Variants in FAM107B observed in about 807,000 individuals in gnomAD.
FAM107B encodes protein FAM107B.
A neutral mutation model predicts 31.5 loss-of-function variants in FAM107B; 21 were observed. That is an observed-to-expected ratio of 0.67 (90% confidence interval 0.47 to 0.96). The LOEUF (loss-of-function observed/expected upper bound fraction) is 0.96. FAM107B is among the 40% of genes least tolerant of loss of function. FAM107B has a pLI of 0.00. For missense variants in FAM107B, 452 were observed against 377.1 expected (o/e 1.20, Z -1.64); for synonymous variants, 157 against 141.5 (o/e 1.11, Z -0.78).
chr10:14,762,574 GT>G (rs1833072154), intron 1 of FAM107B, among the ~76,000 whole-genome samples: 1 of 152,124 alleles, frequency 6.6e-6, no homozygotes. Flanking sequence ...GGCCAACATG[GT>G]GAAACCCTGT....
intron 2 of FAM107B, among the ~76,000 whole-genome samples, chr10:14,624,462 C>G (rs1322114102): frequency 6.6e-6 from 1 of 152,026 alleles, no homozygotes; most frequent in African/African-American, 2.4e-5. Context: ...ACGGTGAAAC[C>G]CCATCTCTGC....
At chr10:14,717,163 T>C (rs531457912) in intron 1 of FAM107B, among the ~76,000 whole-genome samples, 1 of 152,268 alleles carries the variant, frequency 6.6e-6, no homozygotes, top group Admixed American at 6.5e-5. Flanking sequence ...GTTATTCTTA[T>C]TAATATTGAG....
At chr10:14,541,144 C>T (rs1015156617) in intron 2 of FAM107B, among the ~76,000 whole-genome samples, 1 of 152,144 alleles carries the variant, frequency 6.6e-6, no homozygotes, top group South Asian at 2.1e-4. Context: ...TATCACCAGT[C>T]GCTCATCCCT....
intron 3 of FAM107B, among the ~76,000 whole-genome samples, chr10:14,526,240 C>G (rs984715963): frequency 6.6e-6 from 1 of 152,180 alleles, no homozygotes; most frequent in African/African-American, 2.4e-5. Context: ...GTGGCATGAC[C>G]TCGGCTCACT....
intron 2 of FAM107B, among the ~76,000 whole-genome samples, chr10:14,569,473 C>T (rs1851005797): frequency 6.6e-6 from 1 of 152,078 alleles, no homozygotes; most frequent in Non-Finnish European, 1.5e-5. Context: ...GATCTAAGTC[C>T]TCCGGAAGCT....
intron 3 of FAM107B, among the ~76,000 whole-genome samples, chr10:14,524,061 G>T: frequency 6.9e-6 from 1 of 144,586 alleles, no homozygotes. Flanking sequence ...TCGTTTTTGA[G>T]ATACAGTTTT....
intron 1 of FAM107B, among the ~76,000 whole-genome samples, chr10:14,759,252 T>C (rs186096149): frequency 1.4e-3 from 219 of 152,286 alleles, no homozygotes; most frequent in African/African-American, 4.9e-3. Context: ...GCTGCTGACA[T>C]GCATTCCCAC....
intron 2 of FAM107B, chr10:14,663,289 C>T (rs1854297863): frequency 6.6e-6 from 1 of 152,240 alleles, no homozygotes; most frequent in African/African-American, 2.4e-5. Context: ...ATAAATTCCC[C>T]TTCATATATG....
At chr10:14,634,359 C>T (rs1336757889) in intron 2 of FAM107B, among the ~76,000 whole-genome samples, 1 of 149,474 alleles carries the variant, frequency 6.7e-6, no homozygotes, top group Admixed American at 6.7e-5. Context: ...AAGAGCATGC[C>T]ACTGCACTCC....
rs1448873124 is a variant in FAM107B, at chr10:14,628,333, G to A, written c.469+39301C>T. ...GGGGTTTCACCATATGGCCAGGCTAGTCTCAAACTCCTGACCTCAGGTGAT... is the reference window on the plus strand; with the variant it reads ...GGGGTTTCACCATATGGCCAGGCTAATCTCAAACTCCTGACCTCAGGTGAT... On this transcript the variant is annotated intron_variant, in intron 2 of 4. Coordinates refer to ENST00000181796, the MANE Select transcript of FAM107B (RefSeq NM_031453.4). 4.6e-5 allele frequency among the ~76,000 whole-genome samples: 7 copies of A among 151,980 alleles called. No individual in the cohort carries two copies. In the East Asian group the frequency reaches 9.7e-4, roughly 21 times the overall value.
intron 2 of FAM107B, among the ~76,000 whole-genome samples, chr10:14,653,148 C>G (rs1214700025): frequency 6.6e-6 from 1 of 152,204 alleles, no homozygotes; most frequent in African/African-American, 2.4e-5. Context: ...ACCTAATGGT[C>G]CACTGCCACG....
chr10:14,684,688 C>T lies in FAM107B; in HGVS notation c.412-16997G>A, dbSNP rs55852515. ...GATAGAATAAGGGTTTTGTTCAAAA[C>T]TGAGACACACTTTTTTATTCTATCT... On this transcript the variant is annotated intron_variant, in intron 1 of 4. Coordinates refer to ENST00000181796, the MANE Select transcript of FAM107B (RefSeq NM_031453.4). Among the ~76,000 whole-genome samples the T allele has an allele frequency of 2.2e-4, 33 of 152,296 alleles. 2 individuals are homozygous for T. Among genetic ancestry groups the T allele is most frequent in the Admixed American group, 1.7e-3 (26 of 15,296 alleles).
chr10:14,651,775 C>T (rs186103717), intron 2 of FAM107B, among the ~76,000 whole-genome samples: 21 of 152,136 alleles, frequency 1.4e-4, no homozygotes, highest in East Asian at 9.7e-4. Flanking sequence ...GATAATCTGA[C>T]GGTGTGTAGG....
chr10:14,734,995 A>C (rs968257577), intron 1 of FAM107B, among the ~76,000 whole-genome samples: 10 of 152,190 alleles, frequency 6.6e-5, no homozygotes, highest in Non-Finnish European at 1.2e-4. Flanking sequence ...GTGAGTCTCG[A>C]GCCAGCCTGC....
At chr10:14,701,046 T>C (rs79796672) in intron 1 of FAM107B, among the ~76,000 whole-genome samples, 2,871 of 152,144 alleles carry the variant, frequency 0.019, 35 homozygotes, top group South Asian at 0.04. Flanking sequence ...ACCACTGCTT[T>C]TTTATGGAAG....
chr10:14,667,750 TAAG>T, intron 1 of FAM107B, 59 bp from the exon 2 acceptor site: 2 of 1,565,250 alleles, frequency 1.3e-6, no homozygotes, highest in Non-Finnish European at 1.8e-6. Context: ...TGCATTAATG[TAAG>T]GCAATACTTT....
intron 2 of FAM107B, among the ~76,000 whole-genome samples, chr10:14,568,102 C>G (rs7074929): frequency 0.77 from 116,824 of 152,200 alleles, 45,413 homozygotes; most frequent in Middle Eastern, 0.86. Context: ...GCTACGACCA[C>G]GAAATGCTAG....
chr10:14,575,259 A>G (rs1301139577), intron 2 of FAM107B, among the ~76,000 whole-genome samples: 2 of 151,184 alleles, frequency 1.3e-5, no homozygotes, highest in African/African-American at 4.9e-5. Flanking sequence ...GCTGGAGTGT[A>G]GTGGTGCACT....
At chr10:14,538,819 A>G (rs2130937170) in intron 2 of FAM107B, among the ~76,000 whole-genome samples, 1 of 152,342 alleles carries the variant, frequency 6.6e-6, no homozygotes, top group South Asian at 2.1e-4. Context: ...TATACAGCAT[A>G]ATGGAAAAAA....
Sources: gnomAD v4.1 joint callset for allele counts (sites outside exome capture counted in the v4.1 genomes callset) on GRCh38, gnomAD v4.1.1 for gene constraint, MANE v1.5 for transcripts, NCBI Gene and HGNC (gene_info 2026-07-23, HGNC 2026-07-21) for gene names.